WIPF2: variants seen among roughly 807,000 people sequenced by gnomAD.
WIPF2 encodes the protein WAS/WASL-interacting protein family member 2.
A neutral mutation model predicts 38.8 loss-of-function variants in WIPF2; 23 were observed. The observed-to-expected ratio is 0.59, with a 90% confidence interval of 0.43 to 0.84. WIPF2 has a LOEUF of 0.84. WIPF2 is among the 40% of genes least tolerant of loss of function. WIPF2 has a pLI of 0.00. For missense variants in WIPF2, 574 were observed against 580.5 expected (o/e 0.99, Z 0.11); for synonymous variants, 210 against 223.2 (o/e 0.94, Z 0.53).
intron 1 of WIPF2, among the ~76,000 whole-genome samples, chr17:40,229,091 G>C (rs1228414499): frequency 6.6e-6 from 1 of 151,866 alleles, no homozygotes; most frequent in African/African-American, 2.4e-5. Flanking sequence ...GTAGAGGTGG[G>C]GCTTTGCCAA....
chr17:40,262,394 A>G lies in WIPF2; in HGVS notation c.197-131A>G, dbSNP rs2031941554. 1.5e-5 allele frequency: 10 copies of G among 677,628 alleles called. No homozygotes were observed. The South Asian group carries it at 1.7e-4, about 12-fold the overall frequency. 42.0% of individuals were successfully genotyped at this position (677,628 alleles called of 1,614,324 possible). On this transcript the variant is annotated intron_variant, in intron 3 of 7. Transcript: ENST00000323571. ...CACTGTACCAGGCCTGCTTTTTTAA[A>G]TAGAAGGGCAAAAACAAGACTGGTT...
At chr17:40,254,837 TCTC>T (rs559925194) in intron 1 of WIPF2, among the ~76,000 whole-genome samples, 3 of 152,182 alleles carry the variant, frequency 2.0e-5, no homozygotes, top group African/African-American at 7.2e-5. Flanking sequence ...TTCAAGCAGT[TCTC>T]CTGTCTGAGC....
At chr17:40,275,258 AAAAC>A (rs1390257599) in intron 6 of WIPF2, among the ~76,000 whole-genome samples, 4 of 150,734 alleles carry the variant, frequency 2.7e-5, no homozygotes, top group Non-Finnish European at 3.0e-5. Flanking sequence ...AAAAAAAAAA[AAAAC>A]AAAACCCAAA....
In WIPF2 at chr17:40,260,477, G is replaced by A. The variant is rs954341969; in HGVS notation, c.64-58G>A. ...GTTGGGATTACAGGCGTGAGCCACCGCACCCGGCCGATAAAGGGAACTCTT... is the reference window on the plus strand; with the variant it reads ...GTTGGGATTACAGGCGTGAGCCACCACACCCGGCCGATAAAGGGAACTCTT... On this transcript the variant is annotated intron_variant, in intron 2 of 7. Coordinates refer to ENST00000323571, the MANE Select transcript of WIPF2 (RefSeq NM_133264.5). 1.7e-5 allele frequency: 27 copies of A among 1,590,578 alleles called. No individual in the cohort carries two copies. The South Asian group carries it at 2.5e-4, about 15-fold the overall frequency.
chr17:40,230,095 T>C (rs973044180), intron 1 of WIPF2, among the ~76,000 whole-genome samples: 4 of 152,166 alleles, frequency 2.6e-5, no homozygotes, highest in African/African-American at 9.6e-5. Flanking sequence ...ACCAACACTT[T>C]GGGAGACCAA....
intron 5 of WIPF2, among the ~76,000 whole-genome samples, chr17:40,271,621 G>A (rs1367327469): frequency 6.6e-6 from 1 of 152,184 alleles, no homozygotes; most frequent in African/African-American, 2.4e-5. Context: ...ACGAAAAGCA[G>A]TGTGGGAGAG....
At chr17:40,262,050 G>A (rs2031923193) in intron 3 of WIPF2, among the ~76,000 whole-genome samples, 1 of 148,740 alleles carries the variant, frequency 6.7e-6, no homozygotes, top group South Asian at 2.1e-4. Context: ...GAGAGGCCTA[G>A]CTTTCCTTTC....
intron 1 of WIPF2, chr17:40,220,571 GTGTATATATATATA>G (rs2030138605): frequency 1.2e-5 from 1 of 85,650 alleles, no homozygotes; most frequent in Non-Finnish European, 2.2e-5. Flanking sequence ...ACGTGTGTGT[GTGTATATATATATA>G]TATATATATA....
Position 40,260,653 on chromosome 17 carries a change from C to T in WIPF2, c.182C>T (p.Ala61Val). ...GTGACCAACATTAATGATCGGAGTG[C>T]TCCCATCCTCGAGAGTGAGTCCGAG... ...KKVTNINDRSAPILEKPKGSS... is the reference protein window; with the variant it reads ...KKVTNINDRSVPILEKPKGSS... Residue 61 changes from alanine to valine, a missense_variant, in exon 3 of 8, where the codon GCT becomes GTT. By Grantham distance (64) the Ala-to-Val change is moderately conservative. Transcript: ENST00000323571. 1 of 1,613,780 alleles carries T rather than the reference C, an allele frequency of 6.2e-7. No homozygotes were observed. The highest frequency in any genetic ancestry group is 1.1e-5 in the South Asian group (1 of 91,062).
rs1455009100 is a variant in WIPF2, at chr17:40,227,848, CAAAACAAAACAA to C, written c.-70+8366_-70+8377del. On this transcript the variant is annotated intron_variant, in intron 1 of 7. Coordinates refer to ENST00000323571, the MANE Select transcript of WIPF2 (RefSeq NM_133264.5). ...TGGGTGACAGAGCAAGACTTTGTCT[CAAAACAAAACAA>C]AAAACAAAAAAAGTTTGTTCCAGAG... Among the ~76,000 whole-genome samples, 3 of 149,496 alleles carry C rather than the reference CAAAACAAAACAA, an allele frequency of 2.0e-5. No individual in the cohort carries two copies. In the East Asian group the frequency reaches 5.8e-4, roughly 29 times the overall value.
At chr17:40,238,648 T>G (rs574919206) in intron 1 of WIPF2, among the ~76,000 whole-genome samples, 1 of 152,050 alleles carries the variant, frequency 6.6e-6, no homozygotes, top group Non-Finnish European at 1.5e-5. Flanking sequence ...AATCTCACTC[T>G]GTCGTCCAGG....
chr17:40,238,556 G>A (rs1026356752), intron 1 of WIPF2, among the ~76,000 whole-genome samples: 12 of 152,004 alleles, frequency 7.9e-5, no homozygotes, highest in Non-Finnish European at 4.4e-5. Context: ...GCCTGCCTCG[G>A]CCTCCTAAAG....
chr17:40,259,046 A>G (rs998948344), intron 2 of WIPF2, among the ~76,000 whole-genome samples: 1 of 142,720 alleles, frequency 7.0e-6, no homozygotes, highest in Non-Finnish European at 1.5e-5. Flanking sequence ...AAAAAAGATA[A>G]GTTTTTTTTT....
intron 1 of WIPF2, among the ~76,000 whole-genome samples, chr17:40,252,627 G>A (rs556521410): frequency 1.3e-5 from 2 of 149,746 alleles, no homozygotes; most frequent in Admixed American, 1.3e-4. Context: ...TGATGTTACT[G>A]TACTCCAGCC....
chr17:40,276,488 C>A (rs1050266746), intron 6 of WIPF2, among the ~76,000 whole-genome samples: 36 of 147,410 alleles, frequency 2.4e-4, no homozygotes, highest in African/African-American at 9.0e-4. Flanking sequence ...GCCACCGCAC[C>A]CCAGTCTGGG....
At chr17:40,222,654 G>GTTTTTTTTTTTTTTTTTTTTTTT (rs58758484) in intron 1 of WIPF2, among the ~76,000 whole-genome samples, 2 of 52,822 alleles carry the variant, frequency 3.8e-5, no homozygotes, top group Non-Finnish European at 7.1e-5. Context: ...TGCATATTCA[G>GTTTTTTTTTTTTTTTTTTTTTTT]TTTTTTTTTT....
At chr17:40,277,272 G>C (rs763940797) in intron 7 of WIPF2, 88 bp downstream of exon 7, 3 of 1,144,558 alleles carry the variant, frequency 2.6e-6, no homozygotes, top group Non-Finnish European at 3.8e-6. Flanking sequence ...CTTCTCGCTG[G>C]GCACAGTGGC....
chr17:40,222,321 G>A (rs929974795), intron 1 of WIPF2, among the ~76,000 whole-genome samples: 13 of 151,490 alleles, frequency 8.6e-5, no homozygotes, highest in African/African-American at 2.9e-4. Flanking sequence ...CAAAGTGCTG[G>A]GATTACAGGT....
Position 40,256,456 on chromosome 17 carries a change from A to G in WIPF2, c.-4A>G, listed in dbSNP as rs1206494607. The G allele has an allele frequency of 6.2e-7, 1 of 1,609,250 alleles. No individual in the cohort carries two copies. The highest frequency in any genetic ancestry group is 2.3e-5 in the East Asian group (1 of 44,400). On this transcript the variant is annotated 5_prime_UTR_variant, in exon 2 of 8. Coordinates refer to ENST00000323571, the MANE Select transcript of WIPF2 (RefSeq NM_133264.5). ...GAACAGTGCCAACTGGGAGCAGGGC[A>G]AGAATGCCAATTCCTCCTCCCCCGC...
Sources: gnomAD v4.1 joint callset for allele counts (sites outside exome capture counted in the v4.1 genomes callset) on GRCh38, gnomAD v4.1.1 for gene constraint, MANE v1.5 for transcripts, NCBI Gene and HGNC (gene_info 2026-07-23, HGNC 2026-07-21) for gene names.